Variants in CRHR1 observed in about 807,000 individuals in gnomAD.
The protein encoded by CRHR1 is corticotropin releasing hormone receptor 1.
CRHR1 carries 28 observed loss-of-function variants against 56.0 expected under a neutral mutation model. The ratio of observed to expected loss-of-function variants is 0.50; its 90% confidence interval spans 0.37 to 0.69. CRHR1 has a LOEUF of 0.69. Among genes scored for constraint, CRHR1 ranks in the 30% least tolerant of loss-of-function variants. The pLI is 0.00. For missense variants in CRHR1, 376 were observed against 548.0 expected, an observed-to-expected ratio of 0.69 and a Z score of 3.13; for synonymous variants, 195 against 216.5, an observed-to-expected ratio of 0.90 and a Z score of 0.87.
intron 1 of CRHR1, among the ~76,000 whole-genome samples, chr17:45,788,355 T>C (rs932100493): frequency 1.3e-5 from 2 of 152,204 alleles, no homozygotes; most frequent in African/African-American, 4.8e-5. Context: ...GACTGGATTC[T>C]CTGTTATCTC....
intron 2 of CRHR1, among the ~76,000 whole-genome samples, chr17:45,814,365 G>A (rs756708682): frequency 6.6e-6 from 1 of 152,124 alleles, no homozygotes; most frequent in Non-Finnish European, 1.5e-5. Context: ...CTCACCCCCT[G>A]TGACTGACTC....
Position 45,835,163 on chromosome 17 carries a change from C to T in CRHR1, c.*399C>T. On this transcript the variant is annotated 3_prime_UTR_variant, in exon 13 of 13. Coordinates refer to ENST00000314537, the MANE Select transcript of CRHR1 (RefSeq NM_004382.5). ...TCGGCAACCGTGGGGAGGCCATTTG[C>T]TGCCCTGGGGCATCATGGGCAACTC... The T allele has an allele frequency of 4.8e-6, 1 of 210,212 alleles. No homozygotes were observed. Among genetic ancestry groups the T allele is most frequent in the African/African-American group, 2.3e-5 (1 of 44,020 alleles). 13.0% of individuals were successfully genotyped at this position (210,212 alleles called of 1,614,324 possible). A position where few individuals can be genotyped will look rare whatever the true frequency, so the allele number is the denominator to read the frequency against.
chr17:45,791,443 A>G (rs1445420497), intron 1 of CRHR1, among the ~76,000 whole-genome samples: 1 of 152,138 alleles, frequency 6.6e-6, no homozygotes, highest in East Asian at 1.9e-4. Context: ...GCGGAGACAG[A>G]CAGACAGTGA....
chr17:45,829,150 G>A (rs1217960282), intron 4 of CRHR1, 65 bp from the exon 5 acceptor site: 26 of 1,281,016 alleles, frequency 2.0e-5, no homozygotes, highest in Non-Finnish European at 2.7e-5. Flanking sequence ...ACCCCTAGGC[G>A]ATGTCCTCAC....
chr17:45,815,418 T>G (rs55915917), intron 2 of CRHR1, among the ~76,000 whole-genome samples: 21,838 of 152,134 alleles, frequency 0.14, 2,134 homozygotes, highest in Middle Eastern at 0.22. Flanking sequence ...CCTCTCTCTC[T>G]CGCGTGCTCT....
At chr17:45,815,809 C>G (rs1007122898) in intron 2 of CRHR1, among the ~76,000 whole-genome samples, 1 of 152,222 alleles carries the variant, frequency 6.6e-6, no homozygotes, top group Non-Finnish European at 1.5e-5. Flanking sequence ...TCCACTCCCC[C>G]AGATGGTGTC....
At chr17:45,813,691 G>A (rs1249578751) in intron 2 of CRHR1, among the ~76,000 whole-genome samples, 1 of 152,350 alleles carries the variant, frequency 6.6e-6, no homozygotes, top group East Asian at 1.9e-4. Flanking sequence ...GATGAGCATT[G>A]AAAATCCACT....
intron 1 of CRHR1, among the ~76,000 whole-genome samples, chr17:45,801,529 T>C (rs1014747590): frequency 1.3e-5 from 2 of 152,188 alleles, no homozygotes; most frequent in African/African-American, 4.8e-5. Flanking sequence ...TTTGGCTCTT[T>C]GGTGAGTGGA....
intron 1 of CRHR1, among the ~76,000 whole-genome samples, chr17:45,794,358 T>C (rs751267798): frequency 3.9e-5 from 6 of 152,322 alleles, no homozygotes; most frequent in East Asian, 1.9e-4. Flanking sequence ...ACTTGACCAG[T>C]CGGACCAGTC....
At chr17:45,785,253 C>T (rs2061314383) in intron 1 of CRHR1, among the ~76,000 whole-genome samples, 1 of 152,248 alleles carries the variant, frequency 6.6e-6, no homozygotes, top group Admixed American at 6.5e-5. Context: ...GGATCGGGCG[C>T]TGGAGTTTAG....
At chr17:45,797,096 T>C (rs2061531448) in intron 1 of CRHR1, among the ~76,000 whole-genome samples, 1 of 152,164 alleles carries the variant, frequency 6.6e-6, no homozygotes, top group African/African-American at 2.4e-5. Flanking sequence ...CACTGCTGGC[T>C]TCTGGGAAAG....
rs71138510 is a variant in CRHR1 at position 45,803,775 on chromosome 17, T to TGTGC, written c.34-3234_34-3233insTGCG. Among the ~76,000 whole-genome samples the TGTGC allele has an allele frequency of 2.1e-3, 318 of 150,440 alleles. 2 individuals are homozygous for TGTGC. Among genetic ancestry groups the TGTGC allele is most frequent in the African/African-American group, 7.0e-3 (286 of 40,948 alleles). On this transcript the variant is annotated intron_variant, in intron 1 of 12. Coordinates refer to ENST00000314537, the MANE Select transcript of CRHR1 (RefSeq NM_004382.5). Reference sequence around the variant, plus strand: ...GAGAGTGCGTGTGTGTGTGTGTGTGTGCGTGCGCGTGCGCGTGTGTGCATG... The same window carrying TGTGC: ...GAGAGTGCGTGTGTGTGTGTGTGTGTGTGCGCGTGCGCGTGCGCGTGTGTGCATG...
intron 4 of CRHR1, among the ~76,000 whole-genome samples, chr17:45,823,403 C>CTTTT (rs71138512): frequency 1.4e-4 from 14 of 100,598 alleles, no homozygotes; most frequent in Admixed American, 2.5e-4. Context: ...GGGACATTCC[C>CTTTT]TTTTTTTTTT....
intron 1 of CRHR1, among the ~76,000 whole-genome samples, chr17:45,789,015 A>G (rs572551509): frequency 6.6e-6 from 1 of 152,336 alleles, no homozygotes; most frequent in Non-Finnish European, 1.5e-5. Context: ...GTTATTAAAA[A>G]AGAGAAAACA....
At chr17:45,823,515 C>A (rs909137584) in intron 4 of CRHR1, among the ~76,000 whole-genome samples, 1 of 145,220 alleles carries the variant, frequency 6.9e-6, no homozygotes, top group Non-Finnish European at 1.5e-5. Context: ...TCAAGTGATT[C>A]TCCTGCCTCA....
intron 1 of CRHR1, among the ~76,000 whole-genome samples, chr17:45,804,786 A>T (rs771353703): frequency 8.0e-5 from 12 of 150,342 alleles, no homozygotes; most frequent in Non-Finnish European, 5.9e-5. Context: ...CAAGTGAGGC[A>T]TTTCCTCAAA....
At chr17:45,823,441 C>T (rs1262213857) in intron 4 of CRHR1, among the ~76,000 whole-genome samples, 1 of 141,704 alleles carries the variant, frequency 7.1e-6, no homozygotes, top group Non-Finnish European at 1.5e-5. Context: ...CAGAGTCTTC[C>T]TCTGTCGCCA....
At chr17:45,786,050 C>G (rs2146244414) in intron 1 of CRHR1, among the ~76,000 whole-genome samples, 1 of 152,066 alleles carries the variant, frequency 6.6e-6, no homozygotes, top group African/African-American at 2.4e-5. Flanking sequence ...GAAGCCTGGT[C>G]TAAATGCACA....
intron 1 of CRHR1, among the ~76,000 whole-genome samples, chr17:45,789,593 T>C (rs952191521): frequency 1.3e-5 from 2 of 151,940 alleles, no homozygotes; most frequent in African/African-American, 4.8e-5. Flanking sequence ...TGGTCTCGAA[T>C]TCTCAAACTC....
Sources: allele counts gnomAD v4.1 joint callset (sites outside exome capture counted in the v4.1 genomes callset), GRCh38; gene constraint gnomAD v4.1.1; transcripts MANE v1.5; gene names NCBI Gene and HGNC (gene_info 2026-07-23, HGNC 2026-07-21).